TLR2: variants seen among roughly 807,000 people sequenced by gnomAD.
TLR2 encodes toll like receptor 2, also known as toll-like receptor 2.
In TLR2, 7 loss-of-function variants were observed where a neutral mutation model predicts 9.1. The observed-to-expected ratio is 0.77, with a 90% confidence interval of 0.44 to 1.44. The LOEUF (loss-of-function observed/expected upper bound fraction) is 1.44. Among genes scored for constraint, TLR2 ranks in the 40% most tolerant of loss-of-function variants. The pLI is 0.01. For synonymous variants in TLR2, 317 were observed against 344.6 expected (o/e 0.92, Z 0.89); for missense variants, 812 against 904.6 (o/e 0.90, Z 1.31).
chr4:153,702,499 G>C (rs1165753277), intron 2 of TLR2: 1 of 162,018 alleles, frequency 6.2e-6, no homozygotes, highest in African/African-American at 2.4e-5. Context: ...AAAGTTTGAA[G>C]TGCAGAAAAA....
downstream of TLR2, among the ~76,000 whole-genome samples, chr4:153,708,597 G>C (rs1235099684): frequency 6.6e-6 from 1 of 152,190 alleles, no homozygotes; most frequent in Admixed American, 6.5e-5. Flanking sequence ...GAAGCAGTCT[G>C]CCTGGAAAAT....
In TLR2 at chr4:153,692,520, C is replaced by G. The variant is rs1023048075; in HGVS notation, c.-17+4473C>G. On this transcript the variant is annotated intron_variant, in intron 2 of 2. Coordinates refer to ENST00000642700, the MANE Select transcript of TLR2 (RefSeq NM_001318789.2). ...ATAGGTTCTGGAGGCTTAACAATGG[C>G]CACCATCAAAAATGATATCCTAAAC... Among the ~76,000 whole-genome samples the G allele has an allele frequency of 3.9e-5, 6 of 152,144 alleles. No individual in the cohort carries two copies. The East Asian group carries it at 7.7e-4, about 20-fold the overall frequency.
intron 2 of TLR2, among the ~76,000 whole-genome samples, chr4:153,694,846 G>A (rs963187244): frequency 3.9e-5 from 6 of 152,138 alleles, no homozygotes; most frequent in African/African-American, 7.2e-5. Flanking sequence ...CCCAGCCTCT[G>A]TTAACCATCA....
At position 153,705,155 on chromosome 4, in the gene TLR2, T is replaced by A; in HGVS notation, c.2248T>A (p.Cys750Ser). The A allele has an allele frequency of 6.2e-7, 1 of 1,614,164 alleles. No homozygotes were observed. Among genetic ancestry groups the A allele is most frequent in the Non-Finnish European group, 8.5e-7 (1 of 1,180,018 alleles). ...IEKKAIPQRFCKLRKIMNTKT... is the reference protein window; with the variant it reads ...IEKKAIPQRFSKLRKIMNTKT... ...GAAAAAAGCCATTCCCCAGCGCTTC[T>A]GCAAGCTGCGGAAGATAATGAACAC... Residue 750 changes from cysteine to serine, a missense_variant, in exon 3 of 3, where the codon TGC becomes AGC. Coordinates refer to ENST00000642700, the MANE Select transcript of TLR2 (RefSeq NM_001318789.2).
At chr4:153,700,936 A>G (rs34617675) in intron 2 of TLR2, among the ~76,000 whole-genome samples, 1 of 152,228 alleles carries the variant, frequency 6.6e-6, no homozygotes, top group Non-Finnish European at 1.5e-5. Flanking sequence ...ATGGGAAAAA[A>G]GTGAATCCTT....
rs141076184 is a variant in TLR2 at position 153,689,015 on chromosome 4, A to C, written c.-17+968A>C. The stretch of plus-strand genomic sequence containing the variant: ...AGATTAAAAGCACAACCATCATTGA[A>C]ATCACAGAGCTTCCAAGTGTCTTTA... On this transcript the variant is annotated intron_variant, in intron 2 of 2. Coordinates refer to ENST00000642700, the MANE Select transcript of TLR2 (RefSeq NM_001318789.2). Among the ~76,000 whole-genome samples the C allele has an allele frequency of 4.4e-3, 665 of 152,356 alleles. 4 individuals carry two copies. Among genetic ancestry groups the C allele is most frequent in the African/African-American group, 0.015 (616 of 41,580 alleles).
intron 1 of TLR2, among the ~76,000 whole-genome samples, chr4:153,686,623 A>C (rs954166112): frequency 6.6e-6 from 1 of 152,212 alleles, no homozygotes; most frequent in Non-Finnish European, 1.5e-5. Context: ...ACGTTTCACT[A>C]AGTTAAAGGT....
chr4:153,694,569 TA>T lies in TLR2; in HGVS notation c.-17+6523del, dbSNP rs201787572. Among the ~76,000 whole-genome samples, 665 of 152,348 alleles carry T rather than the reference TA, an allele frequency of 4.4e-3. 5 individuals carry two copies. Among genetic ancestry groups the T allele is most frequent in the African/African-American group, 0.015 (617 of 41,588 alleles). Reference sequence around the variant, plus strand: ...TATTTGTGGATACATAGTAGATGTATATATTTATGGGGCACTTGAGATATTT... The same window carrying T: ...TATTTGTGGATACATAGTAGATGTATTATTTATGGGGCACTTGAGATATTT... On this transcript the variant is annotated intron_variant, in intron 2 of 2. Coordinates refer to ENST00000642700, the MANE Select transcript of TLR2 (RefSeq NM_001318789.2).
At position 153,703,275 on chromosome 4, in the gene TLR2, T is replaced by C. The variant is rs1737054261; in HGVS notation, c.368T>C (p.Leu123Pro). 6.2e-7 allele frequency: 1 copy of C among 1,612,752 alleles called. No individual in the cohort carries two copies. The highest frequency in any genetic ancestry group is 1.1e-5 in the South Asian group (1 of 90,744). Residue 123 changes from leucine to proline, a missense_variant, in exon 3 of 3, where the codon CTT becomes CCT. Coordinates refer to ENST00000642700, the MANE Select transcript of TLR2 (RefSeq NM_001318789.2). The part of the protein sequence containing the change: ...SNLSSSWFKP[L>P]SSLTFLNLLG... ...TTATCGTCTTCCTGGTTCAAGCCCC[T>C]TTCTTCTTTAACATTCTTAAACTTA... is the stretch of plus-strand genomic sequence containing the variant.
chr4:153,702,917 A>G lies in TLR2; in HGVS notation c.10A>G (p.Thr4Ala). 6.2e-7 allele frequency: 1 copy of G among 1,608,222 alleles called. No individual in the cohort carries two copies. Among genetic ancestry groups the G allele is most frequent in the Non-Finnish European group, 8.5e-7 (1 of 1,176,892 alleles). The stretch of plus-strand genomic sequence containing the variant: ...GTTGAAGCACTGGACAATGCCACAT[A>G]CTTTGTGGATGGTGTGGGTCTTGGG... MPH[T>A]LWMVWVLGVI... is the part of the protein sequence containing the mutation. Residue 4 changes from threonine (T) to alanine (A), a missense_variant, in exon 3 of 3, where the codon ACT (threonine) becomes GCT (alanine). Physicochemically the swap from Thr to Ala is moderately conservative, Grantham distance 58. Transcript: ENST00000642700.
At chr4:153,701,697 AT>A in intron 2 of TLR2, 1 of 151,958 alleles carries the variant, frequency 6.6e-6, no homozygotes, top group Non-Finnish European at 1.5e-5. Context: ...TTGTATACCA[AT>A]TATACCTTAA....
In TLR2 at chr4:153,685,760, A is replaced by G. The variant is rs188720104; in HGVS notation, c.-163+1400A>G. Among the ~76,000 whole-genome samples the G allele has an allele frequency of 2.0e-3, 300 of 152,330 alleles. 1 individual carries two copies. The highest frequency in any genetic ancestry group is 6.0e-3 in the African/African-American group (248 of 41,558). On this transcript the variant is annotated intron_variant, in intron 1 of 2. Coordinates refer to ENST00000642700, the MANE Select transcript of TLR2 (RefSeq NM_001318789.2). ...TTGATAAACTAACAGAGTAGAAAAA[A>G]TCTAATGGAATACCCCCAAATTTAA...
At chr4:153,687,698 T>A (rs1372127120) in intron 1 of TLR2, among the ~76,000 whole-genome samples, 1 of 151,954 alleles carries the variant, frequency 6.6e-6, no homozygotes, top group African/African-American at 2.4e-5. Flanking sequence ...CCAAACAAGG[T>A]AAATGCCTAT....
intron 1 of TLR2, among the ~76,000 whole-genome samples, chr4:153,687,325 G>T (rs1735777722): frequency 6.6e-6 from 1 of 152,026 alleles, no homozygotes; most frequent in Admixed American, 6.5e-5. Flanking sequence ...AATAATATAA[G>T]AATAGAAATT....
chr4:153,696,173 A>G (rs971216705), intron 2 of TLR2, among the ~76,000 whole-genome samples: 1 of 152,072 alleles, frequency 6.6e-6, no homozygotes, highest in Non-Finnish European at 1.5e-5. Context: ...TTGTGGTTTC[A>G]TGTAAATTTT....
chr4:153,701,296 C>T (rs1406174047), intron 2 of TLR2, among the ~76,000 whole-genome samples: 2 of 152,080 alleles, frequency 1.3e-5, no homozygotes, highest in Non-Finnish European at 2.9e-5. Context: ...TATAAAAGGC[C>T]TTGAGATGGA....
Position 153,703,730 on chromosome 4 carries a change from C to T in TLR2, c.823C>T (p.Gln275Ter), listed in dbSNP as rs538114024. The T allele has an allele frequency of 1.2e-6, 2 of 1,613,854 alleles. No homozygotes were observed. Among genetic ancestry groups the T allele is most frequent in the East Asian group, 4.5e-5 (2 of 44,854 alleles). The change falls in exon 3 of 3, where the codon CAG becomes TAG. Residue 275 changes from glutamine to a stop codon, truncating the protein, a stop_gained. Coordinates refer to ENST00000642700, the MANE Select transcript of TLR2 (RefSeq NM_001318789.2). LOFTEE classifies it low-confidence loss of function (END_TRUNC). ...GTTTCAGGTTATGAAACTTTTGAAT[C>T]AGATTTCTGGATTGTTAGAATTAGA... The part of the protein sequence containing the change: ...SLFQVMKLLN[Q>*]ISGLLELEFD...
rs1560757451 is a variant in TLR2 at position 153,705,393 on chromosome 4, C to G, written c.*131C>G. 3.8e-6 allele frequency: 4 copies of G among 1,062,550 alleles called. No homozygotes were observed. The highest frequency in any genetic ancestry group is 3.9e-6 in the Non-Finnish European group (3 of 776,764). The allele number at this position is 1,062,550 out of a possible 1,614,324, so 65.8% of individuals were successfully genotyped here. A position where few individuals can be genotyped will look rare whatever the true frequency, so the allele number is the denominator to read the frequency against. ...TCATTTGAGGACTTGCTTACTAAAA[C>G]TACAAAACTTCAAATTTTGTCTGGG... On this transcript the variant is annotated 3_prime_UTR_variant, in exon 3 of 3. Transcript: ENST00000642700.
intron 2 of TLR2, among the ~76,000 whole-genome samples, chr4:153,691,278 C>A (rs567521876): frequency 6.6e-6 from 1 of 152,206 alleles, no homozygotes; most frequent in South Asian, 2.1e-4. Flanking sequence ...CAAGAATACC[C>A]ACAAAGTCAG....
Sources: allele counts gnomAD v4.1 joint callset (sites outside exome capture counted in the v4.1 genomes callset), GRCh38; gene constraint gnomAD v4.1.1; transcripts MANE v1.5; gene names NCBI Gene and HGNC (gene_info 2026-07-23, HGNC 2026-07-21).